MNAT1: variants seen among roughly 807,000 people sequenced by gnomAD.
MNAT1 encodes the protein CDK-activating kinase assembly factor MAT1.
MNAT1 carries 43 observed loss-of-function variants against 42.0 expected under a neutral mutation model. The ratio of observed to expected loss-of-function variants is 1.02; its 90% CI spans 0.80 to 1.32. The LOEUF is 1.32. Ranked by LOEUF, MNAT1 falls within the 40% of genes most tolerant of loss-of-function variation. The pLI, the probability that MNAT1 is intolerant of heterozygous loss-of-function variation, is 0.00. For synonymous variants in MNAT1, 118 were observed against 120.0 expected (o/e 0.98, Z 0.11); for missense variants, 306 against 350.4 (o/e 0.87, Z 1.01).
chr14:60,791,678 C>G (rs148512918), intron 1 of MNAT1, among the ~76,000 whole-genome samples: 3 of 152,122 alleles, frequency 2.0e-5, no homozygotes, highest in African/African-American at 7.2e-5. Context: ...GGCTAATTGG[C>G]TTGAAATCCA....
chr14:60,752,068 T>A (rs2030117377), intron 1 of MNAT1, among the ~76,000 whole-genome samples: 5 of 152,198 alleles, frequency 3.3e-5, no homozygotes, highest in Admixed American at 3.3e-4. Context: ...AGTTCTACTG[T>A]GTTTACTTCC....
In MNAT1 at chr14:60,969,565, T is replaced by C. The variant is rs1260293595; in HGVS notation, c.*1216T>C. The C allele has an allele frequency of 2.0e-5, 3 of 152,154 alleles. No individual in the cohort carries two copies. Among genetic ancestry groups the C allele is most frequent in the African/African-American group, 7.2e-5 (3 of 41,458 alleles). 9.4% of individuals were successfully genotyped at this position (152,154 alleles called of 1,614,324 possible). On this transcript the variant is annotated 3_prime_UTR_variant, in exon 8 of 8. Transcript: ENST00000261245. ...GTAGACAAAGATCATATTCACAAGT[T>C]AGTAAAAAGCCAGAATTAGAATGCA...
chr14:60,746,915 TATATATATACACACACACAC>T (rs1192535795), intron 1 of MNAT1, among the ~76,000 whole-genome samples: 4 of 27,102 alleles, frequency 1.5e-4, no homozygotes, highest in African/African-American at 5.1e-4. Context: ...TATATATATA[TATATATATACACACACACAC>T]ACACACACAC....
At chr14:60,907,215 A>G (rs2035218756) in intron 7 of MNAT1, among the ~76,000 whole-genome samples, 1 of 152,150 alleles carries the variant, frequency 6.6e-6, no homozygotes, top group African/African-American at 2.4e-5. Context: ...CAGGTGGATC[A>G]TGAGGTCCAG....
intron 7 of MNAT1, among the ~76,000 whole-genome samples, chr14:60,935,943 A>T (rs2035985164): frequency 6.6e-6 from 1 of 152,116 alleles, no homozygotes; most frequent in East Asian, 1.9e-4. Flanking sequence ...GTAGAACAGG[A>T]TATTATTAGG....
At chr14:60,779,478 A>G (rs1191776296) in intron 1 of MNAT1, among the ~76,000 whole-genome samples, 1 of 152,180 alleles carries the variant, frequency 6.6e-6, no homozygotes, top group Non-Finnish European at 1.5e-5. Flanking sequence ...TGGAAACAAA[A>G]TAAGTAGAAT....
Position 60,969,060 on chromosome 14 carries a change from T to C in MNAT1, c.*711T>C, listed in dbSNP as rs557449738. 1 of 152,674 alleles carries C rather than the reference T, an allele frequency of 6.5e-6. No homozygotes were observed. Among genetic ancestry groups the C allele is most frequent in the African/African-American group, 2.4e-5 (1 of 41,596 alleles). The allele number at this position is 152,674 out of a possible 1,614,324, so 9.5% of individuals were successfully genotyped here. On this transcript the variant is annotated 3_prime_UTR_variant, in exon 8 of 8. Coordinates refer to ENST00000261245, the MANE Select transcript of MNAT1 (RefSeq NM_002431.4). ...CAAAGAAGTTAATAAAATTTAATAC[T>C]TAAATGATACCTTTCACCTCCAATG...
intron 1 of MNAT1, among the ~76,000 whole-genome samples, chr14:60,751,118 T>C (rs940931699): frequency 2.6e-5 from 4 of 151,834 alleles, no homozygotes; most frequent in African/African-American, 9.7e-5. Flanking sequence ...TTTAATCAAA[T>C]GGGGAAACTG....
chr14:60,835,552 A>C (rs2033367203), intron 6 of MNAT1, among the ~76,000 whole-genome samples: 1 of 152,116 alleles, frequency 6.6e-6, no homozygotes, highest in Non-Finnish European at 1.5e-5. Context: ...TTTCTTTAAG[A>C]ATGTTGCATA....
At chr14:60,735,060 A>T in intron 1 of MNAT1, 109 bp downstream of exon 1, 1 of 1,017,930 alleles carries the variant, frequency 9.8e-7, no homozygotes, top group South Asian at 1.3e-5. Flanking sequence ...GTTAGTTTCA[A>T]CACTGGGGAG....
intron 3 of MNAT1, among the ~76,000 whole-genome samples, chr14:60,802,620 A>C (rs890186706): frequency 1.4e-4 from 21 of 152,332 alleles, no homozygotes; most frequent in Middle Eastern, 6.8e-3. Flanking sequence ...AGATAGTCAC[A>C]GTGGGGATAG....
chr14:60,920,945 G>A (rs369482827), intron 7 of MNAT1, among the ~76,000 whole-genome samples: 2 of 152,090 alleles, frequency 1.3e-5, no homozygotes, highest in African/African-American at 4.8e-5. Flanking sequence ...TTGGCTTTTG[G>A]GTTAAAGTAC....
At chr14:60,843,357 G>A (rs1038537691) in intron 6 of MNAT1, among the ~76,000 whole-genome samples, 1 of 151,934 alleles carries the variant, frequency 6.6e-6, no homozygotes, top group Non-Finnish European at 1.5e-5. Context: ...TGCAAGCTCC[G>A]CCTCCCGGGT....
intron 6 of MNAT1, among the ~76,000 whole-genome samples, chr14:60,846,397 AT>A (rs996191652): frequency 2.0e-5 from 3 of 151,720 alleles, no homozygotes; most frequent in African/African-American, 4.8e-5. Flanking sequence ...TTTTTAAAAA[AT>A]TTTTTTTGAT....
intron 1 of MNAT1, among the ~76,000 whole-genome samples, chr14:60,763,210 C>T (rs576142973): frequency 1.3e-5 from 2 of 152,218 alleles, no homozygotes; most frequent in African/African-American, 4.8e-5. Flanking sequence ...TCAAAATGAT[C>T]ACACTTATCT....
intron 1 of MNAT1, among the ~76,000 whole-genome samples, chr14:60,764,608 A>T (rs1186854016): frequency 6.6e-6 from 1 of 152,178 alleles, no homozygotes; most frequent in African/African-American, 2.4e-5. Context: ...GGATTTGGTG[A>T]TTCTGTGGCT....
chr14:60,864,670 T>C (rs921876645), intron 6 of MNAT1, among the ~76,000 whole-genome samples: 2 of 152,082 alleles, frequency 1.3e-5, no homozygotes, highest in Non-Finnish European at 2.9e-5. Context: ...AGACAATTTA[T>C]GTGAAATTTC....
At chr14:60,849,836 C>T (rs1276124712) in intron 6 of MNAT1, among the ~76,000 whole-genome samples, 5 of 151,572 alleles carry the variant, frequency 3.3e-5, no homozygotes, top group African/African-American at 1.2e-4. Context: ...TCCTTAGTTT[C>T]TTTCTTTCTT....
intron 6 of MNAT1, among the ~76,000 whole-genome samples, chr14:60,848,412 T>A (rs921068058): frequency 6.6e-6 from 1 of 152,180 alleles, no homozygotes; most frequent in Non-Finnish European, 1.5e-5. Context: ...CTTTTTGGGC[T>A]TTAGCATGAA....
Sources: gnomAD v4.1 joint callset for allele counts (sites outside exome capture counted in the v4.1 genomes callset) on GRCh38, gnomAD v4.1.1 for gene constraint, MANE v1.5 for transcripts, NCBI Gene and HGNC (gene_info 2026-07-23, HGNC 2026-07-21) for gene names.